The following ATP2C1 variants were observed in gnomAD, a reference collection of about 807,000 sequenced individuals.
The protein encoded by ATP2C1 is ATPase secretory pathway Ca2+ transporting 1, also known as calcium-transporting ATPase type 2C member 1.
ATP2C1 carries 31 observed loss-of-function variants against 120.5 expected under a neutral mutation model. The ratio of observed to expected loss-of-function variants is 0.26; its 90% CI spans 0.19 to 0.35. The LOEUF (loss-of-function observed/expected upper bound fraction) is 0.35, where lower values mean the gene tolerates loss of function less well. Among genes scored for constraint, ATP2C1 ranks in the 10% least tolerant of loss-of-function variants. The probability of loss-of-function intolerance (pLI) is 1.00; values close to 1 mark genes in which losing one functional copy is unlikely to be tolerated. For synonymous variants in ATP2C1, 351 were observed against 358.7 expected, an observed-to-expected ratio of 0.98 and a Z score of 0.24; for missense variants, 731 against 1,107.5, an observed-to-expected ratio of 0.66 and a Z score of 4.83.
intron 8 of ATP2C1, among the ~76,000 whole-genome samples, chr3:130,952,420 T>C (rs1456237849): frequency 6.6e-6 from 1 of 152,112 alleles, no homozygotes; most frequent in African/African-American, 2.4e-5. Context: ...TCATTTTACG[T>C]GAGGTTATTT....
At chr3:130,995,594 A>G (rs1015909469) in intron 22 of ATP2C1, among the ~76,000 whole-genome samples, 2 of 152,184 alleles carry the variant, frequency 1.3e-5, no homozygotes, top group Non-Finnish European at 2.9e-5. Context: ...GCTAAAATAA[A>G]TGTTTCCATA....
chr3:130,857,424 A>G (rs2067877099), intron 1 of ATP2C1, among the ~76,000 whole-genome samples: 1 of 152,170 alleles, frequency 6.6e-6, no homozygotes, highest in Non-Finnish European at 1.5e-5. Flanking sequence ...CTTAGTCAAT[A>G]TTTAATCTAT....
In ATP2C1 at chr3:130,974,378, A is replaced by G. The variant is rs140330034; in HGVS notation, c.1414-954A>G. ...ATGGAAGCTCCATTTTAATGTGAGC[A>G]CACACTGTCACAGCAGGGGTAGAAG... is the stretch of plus-strand genomic sequence containing the variant. On this transcript the variant is annotated intron_variant, in intron 17 of 27. Coordinates refer to ENST00000510168, the MANE Select transcript of ATP2C1 (RefSeq NM_001378687.1). 1.7e-4 allele frequency among the ~76,000 whole-genome samples: 26 copies of G among 152,338 alleles called. No individual in the cohort carries two copies. In the East Asian group the frequency reaches 4.4e-3, roughly 26 times the overall value.
At chr3:130,999,923 CTAGAG>C (rs1471640881) in intron 27 of ATP2C1, among the ~76,000 whole-genome samples, 2 of 152,206 alleles carry the variant, frequency 1.3e-5, no homozygotes, top group Non-Finnish European at 2.9e-5. Context: ...AAAACCTGCT[CTAGAG>C]TATAGTTTAT....
At chr3:131,010,453 C>G (rs1000505035) in intron 26 of ATP2C1, among the ~76,000 whole-genome samples, 1 of 152,126 alleles carries the variant, frequency 6.6e-6, no homozygotes, top group Non-Finnish European at 1.5e-5. Flanking sequence ...CTCAGCCTCC[C>G]AAAGTGCTGG....
intron 2 of ATP2C1, among the ~76,000 whole-genome samples, chr3:130,921,079 CTTTT>C (rs1170193033): frequency 1.6e-5 from 2 of 128,560 alleles, no homozygotes; most frequent in Non-Finnish European, 3.3e-5. Context: ...AGTTTTCTTT[CTTTT>C]TTTTTTTTTT....
intron 2 of ATP2C1, among the ~76,000 whole-genome samples, chr3:130,921,873 TG>T (rs760911004): frequency 6.6e-4 from 101 of 152,320 alleles, no homozygotes; most frequent in Non-Finnish European, 1.2e-3. Flanking sequence ...GCTAGTATTT[TG>T]TTGGGAAGTT....
downstream of ATP2C1, among the ~76,000 whole-genome samples, chr3:131,006,573 C>CTCTA (rs1298402023): frequency 6.6e-6 from 1 of 151,882 alleles, no homozygotes; most frequent in Non-Finnish European, 1.5e-5. Flanking sequence ...GAGCTTTTAC[C>CTCTA]TCTACTTCAG....
chr3:130,915,890 G>T (rs557365160), intron 2 of ATP2C1, among the ~76,000 whole-genome samples: 2 of 152,124 alleles, frequency 1.3e-5, no homozygotes, highest in African/African-American at 4.8e-5. Context: ...AGCCTGAGGC[G>T]TTCTGAGTCA....
At chr3:130,980,810 A>G (rs1178667767) in intron 20 of ATP2C1, 131 bp downstream of exon 20, 12 of 712,662 alleles carry the variant, frequency 1.7e-5, no homozygotes, top group Middle Eastern at 3.1e-4. Flanking sequence ...TGTTGGTTCA[A>G]ATCCTGAAAT....
chr3:130,951,172 A>G (rs1352369868), intron 8 of ATP2C1, among the ~76,000 whole-genome samples: 3 of 152,158 alleles, frequency 2.0e-5, no homozygotes, highest in East Asian at 3.8e-4. Context: ...AATTTTTTAC[A>G]TATCTTTGCT....
intron 18 of ATP2C1, among the ~76,000 whole-genome samples, chr3:130,978,924 T>A (rs1024381553): frequency 6.6e-6 from 1 of 152,206 alleles, no homozygotes; most frequent in African/African-American, 2.4e-5. Flanking sequence ...ATTAATTCTA[T>A]TTTTTAAAGA....
intron 1 of ATP2C1, among the ~76,000 whole-genome samples, chr3:130,854,487 T>A (rs2067773334): frequency 6.6e-6 from 1 of 152,192 alleles, no homozygotes; most frequent in African/African-American, 2.4e-5. Flanking sequence ...GTCTAGTTTA[T>A]AAGGAATGAG....
chr3:130,918,613 C>A, intron 2 of ATP2C1: 1 of 681,646 alleles, frequency 1.5e-6, no homozygotes, highest in Non-Finnish European at 2.8e-6. Context: ...TACTTCTTTC[C>A]ATAGCAGGAT....
chr3:130,907,490 T>C (rs1170140908), intron 2 of ATP2C1, among the ~76,000 whole-genome samples: 2 of 152,102 alleles, frequency 1.3e-5, no homozygotes, highest in African/African-American at 4.8e-5. Context: ...TTGCATAGAA[T>C]ATCCAGTTAT....
intron 2 of ATP2C1, among the ~76,000 whole-genome samples, chr3:130,896,616 CCTT>C (rs2069654360): frequency 1.3e-5 from 2 of 152,226 alleles, no homozygotes; most frequent in South Asian, 4.1e-4. Context: ...TAGTTTTCAT[CCTT>C]CTTTGATATA....
At chr3:130,858,296 C>T (rs936835006) in intron 1 of ATP2C1, among the ~76,000 whole-genome samples, 1 of 152,216 alleles carries the variant, frequency 6.6e-6, no homozygotes, top group Non-Finnish European at 1.5e-5. Context: ...TATTAACCAT[C>T]ACACCCCCTG....
intron 2 of ATP2C1, among the ~76,000 whole-genome samples, chr3:130,929,354 C>G (rs998793896): frequency 1.3e-5 from 2 of 152,010 alleles, no homozygotes; most frequent in Non-Finnish European, 2.9e-5. Flanking sequence ...ATGCAAAAAG[C>G]CTTTATGTGT....
chr3:130,964,200 A>G, intron 13 of ATP2C1, 105 bp downstream of exon 13: 1 of 1,532,486 alleles, frequency 6.5e-7, no homozygotes, highest in Non-Finnish European at 9.0e-7. Flanking sequence ...TTGCATAATG[A>G]TGTTTGGCTT....
Sources: gnomAD v4.1 joint callset for allele counts (sites outside exome capture counted in the v4.1 genomes callset) on GRCh38, gnomAD v4.1.1 for gene constraint, MANE v1.5 for transcripts, NCBI Gene and HGNC (gene_info 2026-07-23, HGNC 2026-07-21) for gene names.